TRIM49C: variants seen among roughly 807,000 people sequenced by gnomAD.
The protein encoded by TRIM49C is tripartite motif-containing protein 49C.
TRIM49C carries 6 observed loss-of-function variants against 21.4 expected under a neutral mutation model. The observed-to-expected ratio is 0.28, with a 90% CI of 0.15 to 0.55. The LOEUF (loss-of-function observed/expected upper bound fraction) is 0.55, where lower values mean the gene tolerates loss of function less well. Ranked by LOEUF, TRIM49C falls within the 20% of genes least tolerant of loss-of-function variation. The pLI is 0.94. For missense variants in TRIM49C, 161 were observed against 442.4 expected (o/e 0.36, Z 5.71); for synonymous variants, 57 against 148.1 (o/e 0.38, Z 4.47).
chr11:90,070,850 G>A, the TRIM49C span, among the ~76,000 whole-genome samples: 1 of 141,356 alleles, frequency 7.1e-6, no homozygotes, highest in African/African-American at 2.5e-5. Flanking sequence ...CTGAAGTCCA[G>A]TGGCCCAATC....
the TRIM49C span, among the ~76,000 whole-genome samples, chr11:90,072,345 C>T: frequency 6.7e-6 from 1 of 148,762 alleles, no homozygotes; most frequent in Non-Finnish European, 1.5e-5. Flanking sequence ...CAGGATAGAT[C>T]ATGATAAATC....
At chr11:90,052,119 G>A in the TRIM49C span, 2 of 503,292 alleles carry the variant, frequency 4.0e-6, no homozygotes, top group Non-Finnish European at 6.5e-6. Context: ...CCTTCCGCAG[G>A]GAGGGGTCGG....
the TRIM49C span, among the ~76,000 whole-genome samples, chr11:90,061,804 G>A: frequency 1.9e-5 from 2 of 106,332 alleles, 1 homozygote; most frequent in African/African-American, 1.0e-4. Flanking sequence ...AGCTTGTGTG[G>A]GCTTCTCTGT....
the TRIM49C span, among the ~76,000 whole-genome samples, chr11:90,065,522 A>G: frequency 1.5e-5 from 2 of 135,580 alleles, no homozygotes; most frequent in African/African-American, 5.3e-5. Flanking sequence ...ACTTCCTGAG[A>G]TGGATTGGAT....
chr11:90,071,660 T>G, the TRIM49C span: 1 of 1,088,382 alleles, frequency 9.2e-7, no homozygotes, highest in Non-Finnish European at 1.3e-6. Flanking sequence ...AACACAGACA[T>G]CAGAAACTTA....
chr11:90,051,812 C>T, the TRIM49C span: 1 of 340,890 alleles, frequency 2.9e-6, no homozygotes, highest in South Asian at 3.5e-5. Context: ...TGCCCTCAAA[C>T]CCCGTGTCAA....
chr11:90,046,603 C>G (rs1193952706), downstream of TRIM49C, among the ~76,000 whole-genome samples: 3 of 120,274 alleles, frequency 2.5e-5, 1 homozygote, highest in Non-Finnish European at 5.1e-5. Context: ...TCTGTGGGAT[C>G]GGTGGTGATA....
chr11:90,066,239 C>T, the TRIM49C span, among the ~76,000 whole-genome samples: 2 of 135,508 alleles, frequency 1.5e-5, no homozygotes, highest in African/African-American at 2.6e-5. Flanking sequence ...AAGCTGGTCT[C>T]GAACTCCTCA....
the TRIM49C span, chr11:90,050,299 G>A: frequency 1.0e-4 from 4 of 39,672 alleles, no homozygotes; most frequent in African/African-American, 4.6e-4. Context: ...AGCTGACAGA[G>A]GTGAGGGTAG....
downstream of TRIM49C, among the ~76,000 whole-genome samples, chr11:90,045,039 T>C (rs2134828047): frequency 8.7e-6 from 1 of 114,606 alleles, no homozygotes; most frequent in South Asian, 3.6e-4. Context: ...GGGAATCCTT[T>C]CCCCATTGCT....
chr11:90,047,643 A>AT, the TRIM49C span, among the ~76,000 whole-genome samples: 76 of 86,778 alleles, frequency 8.8e-4, 9 homozygotes, highest in East Asian at 0.026. Flanking sequence ...CCATCCTTTT[A>AT]TTTTGAGCCT....
chr11:90,031,741 A>G (rs1303008758), intron 1 of TRIM49C, among the ~76,000 whole-genome samples: 302 of 149,198 alleles, frequency 2.0e-3, no homozygotes, highest in African/African-American at 6.3e-3. Context: ...TTGGTTAATC[A>G]GTGATTTCTC....
In TRIM49C at chr11:90,041,516, C is replaced by T. The variant is rs1292964598; in HGVS notation, c.1325C>T (p.Pro442Leu). 6.9e-7 allele frequency: 1 copy of T among 1,444,278 alleles called. No individual in the cohort carries two copies. The highest frequency in any genetic ancestry group is 9.3e-7 in the Non-Finnish European group (1 of 1,074,290). The allele number at this position is 1,444,278 out of a possible 1,614,324, so 89.5% of individuals were successfully genotyped here. Reference protein sequence around the residue: ...YTIPNCSFSPPLRPIFCCIHF With the variant: ...YTIPNCSFSPLLRPIFCCIHF ...ATCCCTAATTGCTCTTTCTCACCTC[C>T]TCTCAGGCCTATCTTTTGCTGTATT... The change falls in exon 8 of 8, where the codon CCT becomes CTT. Residue 442 changes from proline (P) to leucine (L), a missense_variant. Physicochemically the swap from Pro to Leu is moderately conservative, Grantham distance 98. Transcript: ENST00000448984.
intron 2 of TRIM49C, among the ~76,000 whole-genome samples, chr11:90,033,777 C>A (rs1392338215): frequency 7.7e-6 from 1 of 129,294 alleles, no homozygotes; most frequent in Non-Finnish European, 1.6e-5. Context: ...AACCCCATCT[C>A]TACTAAAAAA....
the TRIM49C span, among the ~76,000 whole-genome samples, chr11:90,057,148 C>A: frequency 7.8e-6 from 1 of 128,314 alleles, no homozygotes; most frequent in Non-Finnish European, 1.6e-5. Flanking sequence ...ATTTTATTTA[C>A]CCGAATGCAA....
At position 90,036,838 on chromosome 11, in the gene TRIM49C, T is replaced by G. The variant is rs1950731162; in HGVS notation, c.507+855T>G. 1.5e-5 allele frequency among the ~76,000 whole-genome samples: 2 copies of G among 137,052 alleles called. 1 individual carries two copies. Among genetic ancestry groups the G allele is most frequent in the Non-Finnish European group, 3.1e-5 (2 of 63,630 alleles). 89.9% of individuals were successfully genotyped at this position (137,052 alleles called of 152,430 possible). A position where few individuals can be genotyped will look rare whatever the true frequency, so the allele number is the denominator to read the frequency against. On this transcript the variant is annotated intron_variant, in intron 4 of 7. Coordinates refer to ENST00000448984, the MANE Select transcript of TRIM49C (RefSeq NM_001195234.1). ...ATATGCAATACATGATGTATTTGAG[T>G]GTGGTAGGTTTTTGTTGGAGAATAA... is the stretch of plus-strand genomic sequence containing the variant.
At chr11:90,042,176 A>G (rs1049572549), downstream of TRIM49C, among the ~76,000 whole-genome samples, 4 of 145,512 alleles carry the variant, frequency 2.7e-5, no homozygotes, top group Non-Finnish European at 4.5e-5. Flanking sequence ...AAGTAACTAA[A>G]TATTGACTCC....
At chr11:90,071,308 T>C in the TRIM49C span, 3 of 407,452 alleles carry the variant, frequency 7.4e-6, no homozygotes, top group Admixed American at 7.9e-5. Context: ...TGTGTACTTA[T>C]GTGTTTGTGT....
At chr11:90,053,614 TG>T in the TRIM49C span, 1 of 154,108 alleles carries the variant, frequency 6.5e-6, no homozygotes, top group Non-Finnish European at 1.5e-5. Context: ...GGAGAAGTCC[TG>T]GAACTCTTTG....
Sources: allele counts gnomAD v4.1 joint callset (sites outside exome capture counted in the v4.1 genomes callset), GRCh38; gene constraint gnomAD v4.1.1; transcripts MANE v1.5; gene names NCBI Gene and HGNC (gene_info 2026-07-23, HGNC 2026-07-21).